The following PIBF1 variants were observed in gnomAD, a reference collection of about 807,000 sequenced individuals.
PIBF1 encodes the protein progesterone immunomodulatory binding factor 1.
A neutral mutation model predicts 112.5 loss-of-function variants in PIBF1; 90 were observed. That is an observed-to-expected ratio of 0.80 (90% CI 0.67 to 0.95). The LOEUF (loss-of-function observed/expected upper bound fraction) is 0.95, where lower values mean the gene tolerates loss of function less well. Ranked by LOEUF, PIBF1 falls within the 40% of genes least tolerant of loss-of-function variation. PIBF1 has a pLI of 0.00. For missense variants in PIBF1, 915 were observed against 852.3 expected (o/e 1.07, Z -0.92); for synonymous variants, 301 against 288.6 (o/e 1.04, Z -0.44).
intron 17 of PIBF1, among the ~76,000 whole-genome samples, chr13:73,010,805 C>CTTCTCTTTT (rs1396150238): frequency 9.5e-5 from 5 of 52,594 alleles, no homozygotes; most frequent in Admixed American, 2.0e-4. Context: ...AAATCATTAA[C>CTTCTCTTTT]TTTTCTTTTT....
Position 72,823,987 on chromosome 13 carries a change from G to T in PIBF1, c.806+2005G>T, listed in dbSNP as rs780724046. 3.3e-5 allele frequency among the ~76,000 whole-genome samples: 5 copies of T among 152,008 alleles called. No individual in the cohort carries two copies. In the East Asian group the frequency reaches 9.7e-4, roughly 30 times the overall value. The stretch of plus-strand genomic sequence containing the variant: ...AAAGTAGAGGGAGAATGAGGAGGAG[G>T]CTTAACACACTATGGATGAGATCAT... On this transcript the variant is annotated intron_variant, in intron 6 of 17. Transcript: ENST00000326291.
chr13:72,987,858 A>T (rs9573078), intron 16 of PIBF1, among the ~76,000 whole-genome samples: 5,271 of 57,484 alleles, frequency 0.092, 402 homozygotes, highest in East Asian at 0.27. Flanking sequence ...TTATTTATTT[A>T]TTTTTTTTTT....
intron 9 of PIBF1, among the ~76,000 whole-genome samples, chr13:72,844,579 C>T (rs1312358561): frequency 6.6e-6 from 1 of 151,886 alleles, no homozygotes; most frequent in Non-Finnish European, 1.5e-5. Context: ...TGAGTGAGAA[C>T]ATTCAGTGTT....
intron 13 of PIBF1, among the ~76,000 whole-genome samples, chr13:72,917,855 G>C (rs929589464): frequency 7.9e-5 from 12 of 152,130 alleles, no homozygotes; most frequent in Non-Finnish European, 1.3e-4. Context: ...ATCTAGAGAT[G>C]ATTTAAAGTA....
At chr13:72,871,431 G>A (rs779615676) in intron 10 of PIBF1, among the ~76,000 whole-genome samples, 7 of 152,106 alleles carry the variant, frequency 4.6e-5, no homozygotes, top group Admixed American at 3.9e-4. Context: ...TCAGCCTCCT[G>A]AGTAGCTGGG....
intron 10 of PIBF1, among the ~76,000 whole-genome samples, chr13:72,871,714 G>T (rs1338525096): frequency 4.6e-5 from 7 of 152,124 alleles, no homozygotes. Context: ...CCACTTGTCA[G>T]TCTTCTGCCA....
intron 10 of PIBF1, among the ~76,000 whole-genome samples, chr13:72,874,815 G>T (rs185795004): frequency 6.6e-6 from 1 of 152,096 alleles, no homozygotes; most frequent in East Asian, 1.9e-4. Context: ...TTGAAAGGAG[G>T]TACAGATTGC....
At chr13:72,785,895 C>G (rs1053867646) in intron 2 of PIBF1, among the ~76,000 whole-genome samples, 6 of 152,102 alleles carry the variant, frequency 3.9e-5, no homozygotes, top group Non-Finnish European at 5.9e-5. Context: ...GGCTTTGCTT[C>G]TTTTTAGGTG....
intron 5 of PIBF1, among the ~76,000 whole-genome samples, chr13:72,818,487 A>G (rs1238882494): frequency 6.6e-6 from 1 of 152,086 alleles, no homozygotes; most frequent in Non-Finnish European, 1.5e-5. Context: ...TGCCATCCAG[A>G]ACTGATTTAC....
At chr13:72,959,408 G>A (rs569336141) in intron 14 of PIBF1, among the ~76,000 whole-genome samples, 95 of 152,136 alleles carry the variant, frequency 6.2e-4, no homozygotes, top group African/African-American at 2.0e-3. Flanking sequence ...TTCCTAGCAC[G>A]ATTAAAAAGA....
intron 13 of PIBF1, among the ~76,000 whole-genome samples, chr13:72,928,044 T>C (rs138920284): frequency 0.024 from 3,167 of 129,634 alleles, 62 homozygotes; most frequent in Middle Eastern, 0.041. Context: ...TATATATATA[T>C]ACATATATAT....
At chr13:72,871,649 C>T (rs952656181) in intron 10 of PIBF1, among the ~76,000 whole-genome samples, 6 of 152,072 alleles carry the variant, frequency 3.9e-5, no homozygotes, top group Non-Finnish European at 7.4e-5. Context: ...TTAGAGCTTC[C>T]CCTTCCACAT....
chr13:72,786,797 A>G (rs2034621249), intron 2 of PIBF1, among the ~76,000 whole-genome samples: 1 of 152,226 alleles, frequency 6.6e-6, no homozygotes, highest in Non-Finnish European at 1.5e-5. Flanking sequence ...ACGAGCACTC[A>G]GGATTCTCTG....
At chr13:72,803,043 C>T (rs1443277439) in intron 5 of PIBF1, among the ~76,000 whole-genome samples, 1 of 152,134 alleles carries the variant, frequency 6.6e-6, no homozygotes, top group Non-Finnish European at 1.5e-5. Flanking sequence ...TTAACAAGGT[C>T]ATTGAAAACC....
Position 73,015,855 on chromosome 13 carries a change from CT to C in PIBF1, c.2224-7del, listed in dbSNP as rs1246755461. On this transcript the variant is annotated splice_polypyrimidine_tract_variant and intron_variant, in intron 17 of 17. Transcript: ENST00000326291. ...AAGCATTTTATTGGATTTTCTTTTT[CT>C]TTTTTTAAACAGACTAAAAAAGAAG... 6 of 1,519,284 alleles carry C rather than the reference CT, an allele frequency of 3.9e-6. No homozygotes were observed. The highest frequency in any genetic ancestry group is 1.9e-5 in the Admixed American group (1 of 51,876). The allele number at this position is 1,519,284 out of a possible 1,614,324, so 94.1% of individuals were successfully genotyped here.
chr13:72,894,772 A>AT (rs1491462402), intron 11 of PIBF1, among the ~76,000 whole-genome samples: 1 of 137,218 alleles, frequency 7.3e-6, no homozygotes, highest in Non-Finnish European at 1.5e-5. Context: ...ATATATATAT[A>AT]GTGTGTGTGT....
chr13:72,911,017 T>C (rs914366039), intron 12 of PIBF1, among the ~76,000 whole-genome samples: 2 of 152,076 alleles, frequency 1.3e-5, no homozygotes, highest in African/African-American at 4.8e-5. Flanking sequence ...CAAAGCAATC[T>C]TGAAAAAAGT....
chr13:72,823,183 TATC>T (rs1326736369), intron 6 of PIBF1, among the ~76,000 whole-genome samples: 1 of 152,202 alleles, frequency 6.6e-6, no homozygotes, highest in African/African-American at 2.4e-5. Flanking sequence ...CCTCTGCCAC[TATC>T]AGTCTATAGC....
chr13:72,782,656 G>A (rs370686269), intron 1 of PIBF1, among the ~76,000 whole-genome samples: 1 of 152,110 alleles, frequency 6.6e-6, no homozygotes, highest in African/African-American at 2.4e-5. Context: ...ATTAAAACAA[G>A]GTAGTTGCTA....
Sources: allele counts gnomAD v4.1 joint callset (sites outside exome capture counted in the v4.1 genomes callset), GRCh38; gene constraint gnomAD v4.1.1; transcripts MANE v1.5; gene names NCBI Gene and HGNC (gene_info 2026-07-23, HGNC 2026-07-21).